The following THRAP3 variants were observed in gnomAD, a reference collection of about 807,000 sequenced individuals.
The protein encoded by THRAP3 is thyroid hormone receptor associated protein 3.
In THRAP3, 16 loss-of-function variants were observed where a neutral mutation model predicts 101.0. That is an observed-to-expected ratio of 0.16 (90% confidence interval 0.11 to 0.24). The LOEUF (loss-of-function observed/expected upper bound fraction) is 0.24. THRAP3 is among the 10% of genes least tolerant of loss of function. The pLI is 1.00. For missense variants in THRAP3, 989 were observed against 1,202.7 expected, an observed-to-expected ratio of 0.82 and a Z score of 2.63; for synonymous variants, 407 against 422.6, an observed-to-expected ratio of 0.96 and a Z score of 0.45.
intron 7 of THRAP3, among the ~76,000 whole-genome samples, chr1:36,293,395 G>T (rs957428418): frequency 1.3e-5 from 2 of 152,150 alleles, no homozygotes; most frequent in South Asian, 4.1e-4. Context: ...TGGGTAGTTG[G>T]ATTCTTCTGG....
In THRAP3 at chr1:36,284,762, C is replaced by T. The variant is rs145063975; in HGVS notation, c.138-1606C>T. ...TAATTGGTAACAGAAGCAGCAGTAG[C>T]CTGTGAGGATGGGAACATGAATTAA... On this transcript the variant is annotated intron_variant, in intron 3 of 11. Coordinates refer to ENST00000354618, the MANE Select transcript of THRAP3 (RefSeq NM_005119.4). Among the ~76,000 whole-genome samples, 6 of 152,292 alleles carry T rather than the reference C, an allele frequency of 3.9e-5. No homozygotes were observed. In the East Asian group the frequency reaches 1.2e-3, roughly 29 times the overall value.
At chr1:36,273,199 C>T (rs1346966597) in intron 2 of THRAP3, among the ~76,000 whole-genome samples, 2 of 152,172 alleles carry the variant, frequency 1.3e-5, no homozygotes, top group African/African-American at 4.8e-5. Flanking sequence ...TAACAGTCAT[C>T]GAATGTAGCA....
chr1:36,223,983 TTA>T (rs992086336), upstream of THRAP3, among the ~76,000 whole-genome samples: 4 of 151,780 alleles, frequency 2.6e-5, no homozygotes, highest in African/African-American at 9.7e-5. Context: ...GGAAACAAGT[TTA>T]GAGAGGAGGG....
chr1:36,259,608 T>C (rs1438462510), intron 2 of THRAP3, 124 bp downstream of exon 2: 3 of 382,452 alleles, frequency 7.8e-6, no homozygotes, highest in African/African-American at 6.2e-5. Flanking sequence ...CTACAAAAAA[T>C]AAAAAAATTT....
At chr1:36,242,654 G>C (rs144867657) in intron 1 of THRAP3, among the ~76,000 whole-genome samples, 2,592 of 151,836 alleles carry the variant, frequency 0.017, 25 homozygotes, top group Non-Finnish European at 0.025. Flanking sequence ...GGGTTTCACT[G>C]TGTTAGCCAG....
upstream of THRAP3, among the ~76,000 whole-genome samples, chr1:36,220,992 T>C (rs1644900788): frequency 7.5e-6 from 1 of 133,708 alleles, no homozygotes; most frequent in South Asian, 2.3e-4. Context: ...TATATATATA[T>C]ATATATAGTG....
the THRAP3 span, among the ~76,000 whole-genome samples, chr1:36,214,931 C>T: frequency 1.3e-5 from 2 of 150,986 alleles, no homozygotes; most frequent in Admixed American, 1.3e-4. Flanking sequence ...GCTTATAAAC[C>T]TTTCAATGGC....
At chr1:36,225,136 A>G (rs939233904) in intron 1 of THRAP3, 4 of 152,216 alleles carry the variant, frequency 2.6e-5, no homozygotes, top group African/African-American at 9.6e-5. Flanking sequence ...CACCTAAGCA[A>G]CTTTTATCAA....
chr1:36,286,527 T>C lies in THRAP3; in HGVS notation c.297T>C (p.Tyr99=). The part of the protein sequence containing the change: ...RNRGFYPWGQ[Y]NRGGYGNYRS... ...GAGGCTTTTATCCATGGGGCCAATA[T>C]AACCGAGGAGGCTATGGAAACTACC... The change falls in exon 4 of 12, where the codon TAT becomes TAC. Residue 99 remains tyrosine (Y), a synonymous_variant. Transcript: ENST00000354618. This position sits in a 1 kb window ranked among gnomAD's most constrained non-coding sequence, Gnocchi z 5.5. The C allele has an allele frequency of 1.2e-6, 2 of 1,614,102 alleles. No individual in the cohort carries two copies. The highest frequency in any genetic ancestry group is 1.7e-6 in the Non-Finnish European group (2 of 1,180,026).
intron 8 of THRAP3, among the ~76,000 whole-genome samples, chr1:36,295,608 C>T (rs562407291): frequency 4.0e-5 from 6 of 150,782 alleles, no homozygotes; most frequent in Non-Finnish European, 5.9e-5. Context: ...TCCCTTCCTT[C>T]TTCCCTCCCT....
chr1:36,222,429 C>T (rs1476286091), upstream of THRAP3, among the ~76,000 whole-genome samples: 2 of 151,358 alleles, frequency 1.3e-5, no homozygotes, highest in East Asian at 3.9e-4. Flanking sequence ...TTTTTTGAGA[C>T]GGAGTCTTGC....
At chr1:36,227,873 C>T (rs795048) in intron 1 of THRAP3, among the ~76,000 whole-genome samples, 30,600 of 151,788 alleles carry the variant, frequency 0.2, 4,663 homozygotes, top group African/African-American at 0.42. Flanking sequence ...TTCTGCATGG[C>T]AGGACACTCT....
intron 11 of THRAP3, among the ~76,000 whole-genome samples, chr1:36,302,251 G>A (rs1646039151): frequency 1.3e-5 from 2 of 152,194 alleles, no homozygotes; most frequent in South Asian, 4.1e-4. Context: ...GCCTTGATCT[G>A]TAACAGCAGA....
At chr1:36,294,946 G>A (rs1316668117) in intron 8 of THRAP3, among the ~76,000 whole-genome samples, 5 of 152,066 alleles carry the variant, frequency 3.3e-5, no homozygotes, top group African/African-American at 9.7e-5. Flanking sequence ...ATAAACGGCC[G>A]GGCAAGGTGG....
At chr1:36,258,450 C>T (rs1191527377) in intron 1 of THRAP3, among the ~76,000 whole-genome samples, 2 of 152,142 alleles carry the variant, frequency 1.3e-5, no homozygotes, top group Non-Finnish European at 2.9e-5. Context: ...TAAGCCTCAT[C>T]TGGATAAAAC....
At position 36,282,955 on chromosome 1, in the gene THRAP3, A is replaced by G. The variant is rs149972943; in HGVS notation, c.137+255A>G. Among the ~76,000 whole-genome samples the G allele has an allele frequency of 9.7e-3, 1,484 of 152,294 alleles. 27 individuals are homozygous for G. The highest frequency in any genetic ancestry group is 0.034 in the African/African-American group (1,397 of 41,560). On this transcript the variant is annotated intron_variant, in intron 3 of 11. Transcript: ENST00000354618. ...TCCCACCCACTTTGGAAGAAAGAAC[A>G]TTTTATTTTTATTTGAGCTGCTTGC...
At chr1:36,233,344 A>G (rs997910080) in intron 1 of THRAP3, among the ~76,000 whole-genome samples, 2 of 151,800 alleles carry the variant, frequency 1.3e-5, no homozygotes, top group African/African-American at 4.8e-5. Flanking sequence ...CGTCTCTACT[A>G]AAAATAAAAA....
At chr1:36,229,753 A>G (rs1225082437) in intron 1 of THRAP3, among the ~76,000 whole-genome samples, 2 of 151,760 alleles carry the variant, frequency 1.3e-5, no homozygotes, top group African/African-American at 4.8e-5. Flanking sequence ...CCTGGGTTCA[A>G]GTGATTCTCC....
At chr1:36,211,264 G>C in the THRAP3 span, among the ~76,000 whole-genome samples, 2 of 151,932 alleles carry the variant, frequency 1.3e-5, no homozygotes, top group South Asian at 4.2e-4. Flanking sequence ...GGCAGGCTGA[G>C]GTGGGAAGAT....
Sources: gnomAD v4.1 joint callset for allele counts (sites outside exome capture counted in the v4.1 genomes callset) on GRCh38, gnomAD v4.1.1 for gene constraint, Gnocchi (gnomAD v3.1) non-coding constraint, MANE v1.5 for transcripts, NCBI Gene and HGNC (gene_info 2026-07-23, HGNC 2026-07-21) for gene names.